MTA3: variants seen among roughly 807,000 people sequenced by gnomAD.
MTA3 encodes the protein metastasis associated 1 family member 3.
MTA3 carries 34 observed loss-of-function variants against 83.5 expected under a neutral mutation model. The ratio of observed to expected loss-of-function variants is 0.41; its 90% CI spans 0.31 to 0.54. The LOEUF (loss-of-function observed/expected upper bound fraction) is 0.54, where lower values mean the gene tolerates loss of function less well. Among genes scored for constraint, MTA3 ranks in the 20% least tolerant of loss-of-function variants. The pLI is 0.33. For missense variants in MTA3, 761 were observed against 726.4 expected (o/e 1.05, Z -0.55); for synonymous variants, 303 against 252.7 (o/e 1.20, Z -1.89).
chr2:42,532,637 C>A (rs1225924234), intron 2 of MTA3: 1 of 158,326 alleles, frequency 6.3e-6, no homozygotes, highest in Non-Finnish European at 1.4e-5. Flanking sequence ...AGACATTACA[C>A]AATAAATTAG....
chr2:42,503,672 T>G (rs997523803), intron 2 of MTA3, among the ~76,000 whole-genome samples: 1 of 152,160 alleles, frequency 6.6e-6, no homozygotes, highest in African/African-American at 2.4e-5. Flanking sequence ...TGCTTTGAGG[T>G]GGAGGGTGCC....
intron 8 of MTA3, among the ~76,000 whole-genome samples, chr2:42,671,788 C>G (rs1286262154): frequency 6.6e-6 from 1 of 152,098 alleles, no homozygotes; most frequent in Non-Finnish European, 1.5e-5. Flanking sequence ...GTTTCCATGT[C>G]TTGAGATTTC....
chr2:42,644,772 T>A (rs1029086899), intron 6 of MTA3, among the ~76,000 whole-genome samples: 1 of 152,164 alleles, frequency 6.6e-6, no homozygotes, highest in Non-Finnish European at 1.5e-5. Context: ...AGGTAACTAT[T>A]GTAATTGTTT....
chr2:42,561,988 G>A (rs1242327291), intron 2 of MTA3, among the ~76,000 whole-genome samples: 1 of 152,120 alleles, frequency 6.6e-6, no homozygotes, highest in Non-Finnish European at 1.5e-5. Flanking sequence ...TGAAAGCAAG[G>A]TGTCAGTAGG....
chr2:42,511,425 A>G (rs1466936967), intron 2 of MTA3: 1 of 151,992 alleles, frequency 6.6e-6, no homozygotes, highest in Non-Finnish European at 1.5e-5. Context: ...GTTGCAAAAA[A>G]TAATATTTTT....
intron 4 of MTA3, among the ~76,000 whole-genome samples, chr2:42,628,374 G>T: frequency 6.6e-6 from 1 of 151,998 alleles, no homozygotes; most frequent in Non-Finnish European, 1.5e-5. Flanking sequence ...GGGATTACAG[G>T]CGCCCACCAG....
intron 1 of MTA3, 106 bp downstream of exon 1, chr2:42,568,879 G>A (rs1345379235): frequency 1.8e-6 from 2 of 1,094,788 alleles, no homozygotes; most frequent in African/African-American, 1.6e-5. Context: ...CCGGGGCTGA[G>A]GTCGCAGTGG....
rs35633597 is a variant in MTA3 at position 42,664,466 on chromosome 2, C to CTTTTTTTTTTTTTTTTTTTTTTTTT, written c.702+4608_702+4632dup. ...CCTACTACCCCCTCACCCCGCTTAC[C>CTTTTTTTTTTTTTTTTTTTTTTTTT]TTTTTTTTTTTTTTTTTTTTTTTTT... On this transcript the variant is annotated intron_variant, in intron 8 of 16. Transcript: ENST00000405094. Among the ~76,000 whole-genome samples the CTTTTTTTTTTTTTTTTTTTTTTTTT allele has an allele frequency of 2.2e-4, 19 of 85,758 alleles. 8 individuals carry two copies. Among genetic ancestry groups the CTTTTTTTTTTTTTTTTTTTTTTTTT allele is most frequent in the African/African-American group, 4.8e-4 (10 of 21,052 alleles). The allele number at this position is 85,758 out of a possible 152,430, so 56.3% of individuals were successfully genotyped here. A position where few individuals can be genotyped will look rare whatever the true frequency, so the allele number is the denominator to read the frequency against.
intron 2 of MTA3, among the ~76,000 whole-genome samples, chr2:42,531,248 T>G (rs1031208169): frequency 3.9e-5 from 6 of 152,068 alleles, no homozygotes; most frequent in African/African-American, 1.4e-4. Context: ...CCACATAAGC[T>G]TCTACTGTTT....
At position 42,573,806 on chromosome 2, in the gene MTA3, A is replaced by G. The variant is rs562516363; in HGVS notation, c.96+3302A>G. On this transcript the variant is annotated intron_variant, in intron 2 of 16. Transcript: ENST00000405094. ...GATTACAGGCGTGAGCCACTGCCCC[A>G]GCATTTTCTTTCTTTCTTTCTTTCT... is the stretch of plus-strand genomic sequence containing the variant. 2.7e-5 allele frequency among the ~76,000 whole-genome samples: 4 copies of G among 147,434 alleles called. No individual in the cohort carries two copies. The South Asian group carries it at 8.6e-4, about 32-fold the overall frequency.
chr2:42,543,169 C>T (rs190034422), intron 2 of MTA3, among the ~76,000 whole-genome samples: 1 of 152,076 alleles, frequency 6.6e-6, no homozygotes, highest in East Asian at 1.9e-4. Flanking sequence ...ATCTGAAAAA[C>T]ATCTTAAACA....
chr2:42,672,383 C>G (rs1366116063), intron 8 of MTA3, among the ~76,000 whole-genome samples: 2 of 151,572 alleles, frequency 1.3e-5, no homozygotes, highest in Non-Finnish European at 2.9e-5. Context: ...TGGCTCACGC[C>G]TGTAATCCTA....
intron 14 of MTA3, among the ~76,000 whole-genome samples, chr2:42,715,654 TAATC>T (rs1318400988): frequency 6.6e-6 from 1 of 152,206 alleles, no homozygotes; most frequent in Non-Finnish European, 1.5e-5. Flanking sequence ...ATCATATAAT[TAATC>T]CTCCTATTTT....
At chr2:42,517,460 C>A (rs889756444) in intron 2 of MTA3, among the ~76,000 whole-genome samples, 5 of 150,758 alleles carry the variant, frequency 3.3e-5, no homozygotes. Flanking sequence ...GTAATCCCAG[C>A]TACTCAGGAG....
At chr2:42,504,295 A>T (rs961318368) in intron 2 of MTA3, among the ~76,000 whole-genome samples, 3 of 151,892 alleles carry the variant, frequency 2.0e-5, no homozygotes, top group Admixed American at 6.6e-5. Context: ...GCTGGAGTCT[A>T]GTGGCGTGAT....
At chr2:42,654,231 T>C (rs969003142) in intron 6 of MTA3, among the ~76,000 whole-genome samples, 1 of 152,190 alleles carries the variant, frequency 6.6e-6, no homozygotes, top group Non-Finnish European at 1.5e-5. Flanking sequence ...CTAACAACAG[T>C]GGCCTGACTT....
Position 42,659,826 on chromosome 2 carries a change from T to C in MTA3, c.666T>C (p.His222=), listed in dbSNP as rs1426456707. The part of the protein sequence containing the change: ...CSSSVRQPSL[H]MSAAAASRDI... ...GTTCTGTGAGGCAGCCTAGTTTGCA[T>C]ATGAGTGCTGCTGCAGCTTCCCGAG... The change falls in exon 8 of 17, where the codon CAT becomes CAC. Residue 222 remains histidine, a synonymous_variant. Coordinates refer to ENST00000405094, the MANE Select transcript of MTA3 (RefSeq NM_001330442.2). The C allele has an allele frequency of 2.5e-6, 4 of 1,608,106 alleles. No homozygotes were observed. Among genetic ancestry groups the C allele is most frequent in the Non-Finnish European group, 3.4e-6 (4 of 1,177,324 alleles).
chr2:42,583,574 C>G (rs1679912747), intron 3 of MTA3, among the ~76,000 whole-genome samples: 1 of 152,118 alleles, frequency 6.6e-6, no homozygotes, highest in Admixed American at 6.6e-5. Context: ...TGCTCTATCG[C>G]TCAGGCTGGA....
chr2:42,554,807 C>A (rs1202101115), intron 2 of MTA3, among the ~76,000 whole-genome samples: 1 of 152,152 alleles, frequency 6.6e-6, no homozygotes, highest in African/African-American at 2.4e-5. Context: ...CTGATTGGAA[C>A]CTGTATCAGG....
Sources: gnomAD v4.1 joint callset for allele counts (sites outside exome capture counted in the v4.1 genomes callset) on GRCh38, gnomAD v4.1.1 for gene constraint, MANE v1.5 for transcripts, NCBI Gene and HGNC (gene_info 2026-07-23, HGNC 2026-07-21) for gene names.